Variants in GFRA2 observed in about 807,000 individuals in gnomAD.
GFRA2 encodes the protein GDNF family receptor alpha-2.
A neutral mutation model predicts 48.3 loss-of-function variants in GFRA2; 17 were observed. That is an observed-to-expected ratio of 0.35 (90% CI 0.24 to 0.53). GFRA2 has a LOEUF of 0.53. Among genes scored for constraint, GFRA2 ranks in the 20% least tolerant of loss-of-function variants. GFRA2 has a pLI of 0.93. For synonymous variants in GFRA2, 305 were observed against 257.2 expected (o/e 1.19, Z -1.78); for missense variants, 660 against 637.3 (o/e 1.04, Z -0.38).
intron 2 of GFRA2, among the ~76,000 whole-genome samples, chr8:21,794,884 T>C (rs2117105899): frequency 6.6e-6 from 1 of 152,334 alleles, no homozygotes; most frequent in East Asian, 1.9e-4. Context: ...TGGGGCAGGC[T>C]GGGTGGGACT....
At position 21,788,171 on chromosome 8, in the gene GFRA2, C is replaced by T. The variant is rs1644490524; in HGVS notation, c.-12G>A. 1 of 1,578,774 alleles carries T rather than the reference C, an allele frequency of 6.3e-7. No homozygotes were observed. The highest frequency in any genetic ancestry group is 1.7e-5 in the Admixed American group (1 of 57,870). ...TTTGCCAAGATCATGTTAAATAAAT[C>T]CCACCGTTTTTTTGTCTTTCTCCCT... On this transcript the variant is annotated 5_prime_UTR_variant, in exon 1 of 9. Transcript: ENST00000524240.
chr8:21,756,452 C>G (rs1044880462), intron 3 of GFRA2, among the ~76,000 whole-genome samples: 1 of 152,182 alleles, frequency 6.6e-6, no homozygotes, highest in Non-Finnish European at 1.5e-5. Context: ...AAGCACCTCA[C>G]CAAGGAGGCA....
At chr8:21,738,376 GTCTGCCC>G (rs890652664) in intron 4 of GFRA2, among the ~76,000 whole-genome samples, 1 of 151,194 alleles carries the variant, frequency 6.6e-6, no homozygotes, top group African/African-American at 2.4e-5. Context: ...AGCACGTACC[GTCTGCCC>G]TCTGCCCTCT....
intron 1 of GFRA2, chr8:21,783,142 C>T (rs1807097223): frequency 1.5e-6 from 1 of 670,938 alleles, no homozygotes; most frequent in South Asian, 1.5e-5. Flanking sequence ...CGGCCCTGGG[C>T]CTAGGAGCAC....
At chr8:21,727,656 C>G (rs1033529775) in intron 4 of GFRA2, among the ~76,000 whole-genome samples, 1 of 152,152 alleles carries the variant, frequency 6.6e-6, no homozygotes, top group African/African-American at 2.4e-5. Context: ...CACAGTCCGC[C>G]AAAACAGCGG....
chr8:21,800,306 T>C (rs1366796365), intron 2 of GFRA2, among the ~76,000 whole-genome samples: 2 of 152,206 alleles, frequency 1.3e-5, no homozygotes, highest in African/African-American at 4.8e-5. Context: ...GGCCCTAATG[T>C]AAAATAATAG....
At chr8:21,697,832 G>T (rs563097224) in intron 7 of GFRA2, among the ~76,000 whole-genome samples, 1 of 152,074 alleles carries the variant, frequency 6.6e-6, no homozygotes, top group East Asian at 1.9e-4. Flanking sequence ...TTATAGATGG[G>T]AATTCCCCTG....
chr8:21,762,509 C>A (rs1486098772), intron 3 of GFRA2, among the ~76,000 whole-genome samples: 1 of 152,198 alleles, frequency 6.6e-6, no homozygotes, highest in Non-Finnish European at 1.5e-5. Flanking sequence ...CCAGGACCAC[C>A]CAGCAGTCTC....
chr8:21,750,183 C>A lies in GFRA2; in HGVS notation c.794+405G>T, dbSNP rs1313542626. Among the ~76,000 whole-genome samples the A allele has an allele frequency of 1.3e-5, 2 of 152,122 alleles. No homozygotes were observed. Among genetic ancestry groups the A allele is most frequent in the South Asian group, 4.2e-4 (2 of 4,814 alleles). On this transcript the variant is annotated intron_variant, in intron 4 of 8. Transcript: ENST00000524240. The surrounding 1 kb of genome is among the most constrained non-coding windows in gnomAD (Gnocchi z 5.7). ...TCTCAAACTCCTGGCCTCAAGTGAT[C>A]CTCCTGCCTCAGCCTCCTGAGTCGC...
rs1331794771 is a variant in GFRA2, at chr8:21,787,268, G to C, written c.40+852C>G. On this transcript the variant is annotated intron_variant, in intron 1 of 8. Coordinates refer to ENST00000524240, the MANE Select transcript of GFRA2 (RefSeq NM_001495.5). The stretch of plus-strand genomic sequence containing the variant: ...CCTCCCTGTCTTGGAGGCGGCGGGG[G>C]GGGCAGTGGGGGGGGTTTGCAGAAG... 3.3e-5 allele frequency among the ~76,000 whole-genome samples: 5 copies of C among 149,378 alleles called. 1 individual carries two copies. Among genetic ancestry groups the C allele is most frequent in the South Asian group, 2.2e-4 (1 of 4,638 alleles).
At chr8:21,797,577 A>G (rs1807700188) in intron 2 of GFRA2, 1 of 151,990 alleles carries the variant, frequency 6.6e-6, no homozygotes, top group African/African-American at 2.4e-5. Flanking sequence ...CATCTCCACC[A>G]TTCTGAAGAT....
chr8:21,800,049 C>T (rs1807744144), intron 2 of GFRA2, among the ~76,000 whole-genome samples: 1 of 152,216 alleles, frequency 6.6e-6, no homozygotes, highest in African/African-American at 2.4e-5. Context: ...CCAAATGAGT[C>T]TGCTCTCCCA....
chr8:21,701,492 G>C (rs1297011486), intron 7 of GFRA2, among the ~76,000 whole-genome samples: 1 of 152,254 alleles, frequency 6.6e-6, no homozygotes, highest in Non-Finnish European at 1.5e-5. Flanking sequence ...GAGTGGTAGA[G>C]GTTGGACCCC....
chr8:21,776,635 T>G (rs1262996693), intron 2 of GFRA2, among the ~76,000 whole-genome samples: 12 of 151,992 alleles, frequency 7.9e-5, no homozygotes, highest in African/African-American at 2.7e-4. Flanking sequence ...CATGCCCAGC[T>G]AATTTTTGTA....
chr8:21,760,019 T>A (rs1805821547), intron 3 of GFRA2, among the ~76,000 whole-genome samples: 1 of 148,822 alleles, frequency 6.7e-6, no homozygotes, highest in Non-Finnish European at 1.5e-5. Context: ...AAAAACAAGG[T>A]AAGAGAATTC....
chr8:21,794,470 C>G (rs1233334421), intron 2 of GFRA2, among the ~76,000 whole-genome samples: 1 of 151,466 alleles, frequency 6.6e-6, no homozygotes, highest in East Asian at 2.0e-4. Flanking sequence ...AGGCTGGTCT[C>G]GAACTCTTGA....
At chr8:21,733,611 C>T (rs554821118) in intron 4 of GFRA2, among the ~76,000 whole-genome samples, 1 of 152,300 alleles carries the variant, frequency 6.6e-6, no homozygotes, top group South Asian at 2.1e-4. Flanking sequence ...CGTGGCTGAG[C>T]CCGGGCCCAC....
intron 7 of GFRA2, among the ~76,000 whole-genome samples, chr8:21,695,531 C>A (rs1802118507): frequency 6.6e-6 from 1 of 152,142 alleles, no homozygotes; most frequent in South Asian, 2.1e-4. Flanking sequence ...AGAGTAGAGT[C>A]ACTGCCAATG....
chr8:21,786,336 A>G (rs1417134115), intron 1 of GFRA2, among the ~76,000 whole-genome samples: 6 of 152,320 alleles, frequency 3.9e-5, no homozygotes, highest in African/African-American at 1.4e-4. Context: ...CCAGCCCCCG[A>G]CCACAGATGG....
Sources: gnomAD v4.1 joint callset for allele counts (sites outside exome capture counted in the v4.1 genomes callset) on GRCh38, gnomAD v4.1.1 for gene constraint, Gnocchi (gnomAD v3.1) non-coding constraint, MANE v1.5 for transcripts, NCBI Gene and HGNC (gene_info 2026-07-23, HGNC 2026-07-21) for gene names.